TGFBR2: variants seen among roughly 807,000 people sequenced by gnomAD.
TGFBR2 encodes the protein transforming growth factor beta receptor 2, also known as TGF-beta receptor type-2.
Under a neutral mutation model 49.0 loss-of-function variants are expected in TGFBR2, and 18 were observed. The observed-to-expected ratio is 0.37, with a 90% CI of 0.25 to 0.54. The LOEUF (loss-of-function observed/expected upper bound fraction) is 0.54, where lower values mean the gene tolerates loss of function less well. Among genes scored for constraint, TGFBR2 ranks in the 20% least tolerant of loss-of-function variants. The pLI, the probability that TGFBR2 is intolerant of heterozygous loss-of-function variation, is 0.85. For missense variants in TGFBR2, 525 were observed against 722.6 expected (o/e 0.73, Z 3.13); for synonymous variants, 282 against 275.9 (o/e 1.02, Z -0.22).
chr3:30,634,826 C>T (rs1279432872), intron 1 of TGFBR2, among the ~76,000 whole-genome samples: 1 of 152,180 alleles, frequency 6.6e-6, no homozygotes, highest in Non-Finnish European at 1.5e-5. Context: ...CACTTCTCAG[C>T]AGAGGCATAA....
intron 3 of TGFBR2, among the ~76,000 whole-genome samples, chr3:30,661,124 A>T (rs968406521): frequency 1.4e-4 from 22 of 152,228 alleles, no homozygotes; most frequent in African/African-American, 5.3e-4. Flanking sequence ...GGGCCCCTAG[A>T]CAGAGTACAA....
intron 3 of TGFBR2, among the ~76,000 whole-genome samples, chr3:30,664,103 CT>C (rs1436677686): frequency 6.6e-6 from 1 of 151,730 alleles, no homozygotes; most frequent in Non-Finnish European, 1.5e-5. Context: ...CTGCCTCAGC[CT>C]TTTAAGTAGC....
rs184066538 is a variant in TGFBR2 at position 30,624,260 on chromosome 3, G to C, written c.94+17283G>C. On this transcript the variant is annotated intron_variant, in intron 1 of 6. Coordinates refer to ENST00000295754, the MANE Select transcript of TGFBR2 (RefSeq NM_003242.6). ...GTCAAATTGCTTTTATATAAAAGAA[G>C]GTATACATTGAAGAGCAACAGAGCC... Among the ~76,000 whole-genome samples, 78 of 152,274 alleles carry C rather than the reference G, an allele frequency of 5.1e-4. No homozygotes were observed. The East Asian group carries it at 0.013, about 24-fold the overall frequency.
intron 2 of TGFBR2, among the ~76,000 whole-genome samples, chr3:30,648,312 G>T (rs889020597): frequency 3.4e-4 from 51 of 152,018 alleles, no homozygotes; most frequent in Non-Finnish European, 1.6e-4. Flanking sequence ...TTTCTTTCAT[G>T]GCTCACAGTT....
chr3:30,674,360 A>G (rs1374000160), intron 5 of TGFBR2, 114 bp downstream of exon 5: 1 of 1,355,798 alleles, frequency 7.4e-7, no homozygotes, highest in African/African-American at 1.4e-5. Context: ...GCTAGTTGAG[A>G]TCTGATATTA....
rs1348064369 is a variant in TGFBR2 at position 30,691,931 on chromosome 3, A to G, written c.*332A>G. The G allele has an allele frequency of 9.1e-6, 2 of 220,054 alleles. No individual in the cohort carries two copies. The highest frequency in any genetic ancestry group is 1.4e-4 in the East Asian group (2 of 14,334). 13.6% of individuals were successfully genotyped at this position (220,054 alleles called of 1,614,324 possible). A position where few individuals can be genotyped will look rare whatever the true frequency, so the allele number is the denominator to read the frequency against. On this transcript the variant is annotated 3_prime_UTR_variant, in exon 7 of 7. Coordinates refer to ENST00000295754, the MANE Select transcript of TGFBR2 (RefSeq NM_003242.6). The stretch of plus-strand genomic sequence containing the variant: ...GTTTTATATATATATATATATATCT[A>G]TATATGTCTATAGCTCTATATATAT...
intron 3 of TGFBR2, among the ~76,000 whole-genome samples, chr3:30,662,185 C>T (rs943189927): frequency 6.6e-6 from 1 of 152,196 alleles, no homozygotes; most frequent in Non-Finnish European, 1.5e-5. Context: ...TAATTTTAAA[C>T]ATATCCCAAT....
intron 3 of TGFBR2, among the ~76,000 whole-genome samples, chr3:30,664,233 C>A (rs902287645): frequency 2.6e-5 from 4 of 151,988 alleles, no homozygotes; most frequent in Admixed American, 6.6e-5. Flanking sequence ...ATCCTCCCAC[C>A]TCAGCCTCAC....
intron 1 of TGFBR2, among the ~76,000 whole-genome samples, chr3:30,621,224 C>A (rs891540998): frequency 6.6e-6 from 1 of 151,976 alleles, no homozygotes; most frequent in African/African-American, 2.4e-5. Context: ...ACTGGTAGTG[C>A]CCTACCTGCT....
chr3:30,644,932 A>C lies in TGFBR2; in HGVS notation c.263+17A>C, dbSNP rs34771516. On this transcript the variant is annotated intron_variant, in intron 2 of 6. Transcript: ENST00000295754. Reference sequence around the variant, plus strand: ...GGCTGTATGGTAAGCAAGCCTTTTAAGAAGTTATTCTTTCTTTTCCCCTTT... The same window carrying C: ...GGCTGTATGGTAAGCAAGCCTTTTACGAAGTTATTCTTTCTTTTCCCCTTT... 360 of 1,611,014 alleles carry C rather than the reference A, an allele frequency of 2.2e-4. No homozygotes were observed. Among genetic ancestry groups the C allele is most frequent in the Admixed American group, 4.0e-4 (24 of 59,928 alleles).
intron 1 of TGFBR2, among the ~76,000 whole-genome samples, chr3:30,619,006 C>G (rs899359478): frequency 1.3e-5 from 2 of 152,140 alleles, no homozygotes; most frequent in Non-Finnish European, 2.9e-5. Context: ...GCCACAATAA[C>G]CAGTCCTTAC....
chr3:30,675,003 C>T (rs1187156944), intron 5 of TGFBR2, among the ~76,000 whole-genome samples: 4 of 152,050 alleles, frequency 2.6e-5, no homozygotes, highest in Non-Finnish European at 5.9e-5. Flanking sequence ...CTACTATTGA[C>T]CATGAGACTG....
chr3:30,643,979 G>T (rs576176924), intron 1 of TGFBR2, among the ~76,000 whole-genome samples: 1 of 152,262 alleles, frequency 6.6e-6, no homozygotes, highest in South Asian at 2.1e-4. Flanking sequence ...GGTGATAAGG[G>T]AGAGGTACAG....
intron 1 of TGFBR2, among the ~76,000 whole-genome samples, chr3:30,611,115 G>A (rs140617824): frequency 1.8e-3 from 267 of 152,260 alleles, no homozygotes; most frequent in African/African-American, 5.9e-3. Flanking sequence ...ATATCTTTAC[G>A]TAACTCTCTT....
chr3:30,626,927 A>C (rs957072443), intron 1 of TGFBR2: 2 of 152,198 alleles, frequency 1.3e-5, no homozygotes, highest in African/African-American at 4.8e-5. Flanking sequence ...GCAGAAAGGT[A>C]ATCAGATTAT....
chr3:30,635,780 A>G (rs750531074), intron 1 of TGFBR2, among the ~76,000 whole-genome samples: 5 of 152,200 alleles, frequency 3.3e-5, no homozygotes, highest in Non-Finnish European at 7.3e-5. Flanking sequence ...TAAAGCAATC[A>G]TAGCAAACTA....
intron 5 of TGFBR2, among the ~76,000 whole-genome samples, chr3:30,683,347 G>C (rs1699567697): frequency 6.6e-6 from 1 of 152,160 alleles, no homozygotes; most frequent in South Asian, 2.1e-4. Context: ...TGTGTTTTGT[G>C]CCTTTAATAG....
At chr3:30,678,909 A>G (rs371721263) in intron 5 of TGFBR2, among the ~76,000 whole-genome samples, 1 of 152,246 alleles carries the variant, frequency 6.6e-6, no homozygotes, top group Non-Finnish European at 1.5e-5. Flanking sequence ...TCTAAGCAGC[A>G]GAAGGTCTAA....
At chr3:30,662,253 T>C (rs1575153100) in intron 3 of TGFBR2, among the ~76,000 whole-genome samples, 1 of 152,218 alleles carries the variant, frequency 6.6e-6, no homozygotes, top group East Asian at 1.9e-4. Flanking sequence ...GATTATGGAA[T>C]GATAACAAAG....
Sources: gnomAD v4.1 joint callset for allele counts (sites outside exome capture counted in the v4.1 genomes callset) on GRCh38, gnomAD v4.1.1 for gene constraint, MANE v1.5 for transcripts, NCBI Gene and HGNC (gene_info 2026-07-23, HGNC 2026-07-21) for gene names.